Variants in TRIT1 observed in about 807,000 individuals in gnomAD.
TRIT1 encodes tRNA isopentenyltransferase 1.
Under a neutral mutation model 51.2 loss-of-function variants are expected in TRIT1, and 43 were observed. That is an observed-to-expected ratio of 0.84 (90% CI 0.66 to 1.08). The LOEUF (loss-of-function observed/expected upper bound fraction) is 1.08, where lower values mean the gene tolerates loss of function less well. Among genes scored for constraint, TRIT1 ranks in the 50% least tolerant of loss-of-function variants. The pLI, the probability that TRIT1 is intolerant of heterozygous loss-of-function variation, is 0.00. For missense variants in TRIT1, 528 were observed against 578.4 expected, an observed-to-expected ratio of 0.91 and a Z score of 0.89; for synonymous variants, 184 against 203.9, an observed-to-expected ratio of 0.90 and a Z score of 0.83.
chr1:39,863,785 A>AAAC (rs532633835), intron 1 of TRIT1, among the ~76,000 whole-genome samples: 1 of 152,042 alleles, frequency 6.6e-6, no homozygotes, highest in Non-Finnish European at 1.5e-5. Context: ...AAAAAACTAT[A>AAAC]AACAACAACA....
intron 1 of TRIT1, among the ~76,000 whole-genome samples, chr1:39,881,199 C>CTTT (rs1644252067): frequency 6.8e-6 from 1 of 147,852 alleles, no homozygotes; most frequent in South Asian, 2.1e-4. Flanking sequence ...GCACTCCAGC[C>CTTT]TGGGCAACAA....
chr1:39,859,911 C>T (rs529184908), intron 1 of TRIT1, among the ~76,000 whole-genome samples: 2 of 152,324 alleles, frequency 1.3e-5, no homozygotes, highest in African/African-American at 2.4e-5. Flanking sequence ...AATATCTCTA[C>T]CAGCACCTTC....
rs1184697270 is a variant in TRIT1, at chr1:39,838,656, G to GT, written c.*3087dup. Among the ~76,000 whole-genome samples the GT allele has an allele frequency of 1.4e-5, 2 of 144,094 alleles. No homozygotes were observed. Among genetic ancestry groups the GT allele is most frequent in the Non-Finnish European group, 3.0e-5 (2 of 67,678 alleles). The allele number at this position is 144,094 out of a possible 152,430, so 94.5% of individuals were successfully genotyped here. On this transcript the variant is annotated 3_prime_UTR_variant, in exon 11 of 11. Coordinates refer to ENST00000316891, the MANE Select transcript of TRIT1 (RefSeq NM_017646.6). ...CCGGCATGCATACATATATATATAT[G>GT]TAAGTATGTATGTATGTATATATTT...
intron 1 of TRIT1, among the ~76,000 whole-genome samples, chr1:39,875,499 A>AG (rs1391734889): frequency 6.6e-6 from 1 of 151,950 alleles, no homozygotes; most frequent in African/African-American, 2.4e-5. Context: ...AAAAAAAAAA[A>AG]TAGACTTACT....
intron 1 of TRIT1, among the ~76,000 whole-genome samples, chr1:39,872,752 AACACACACACACAC>A (rs61554657): frequency 1.5e-5 from 2 of 134,988 alleles, no homozygotes; most frequent in Non-Finnish European, 3.1e-5. Context: ...GGAAGTACTA[AACACACACACACAC>A]ACACACACAC....
intron 1 of TRIT1, among the ~76,000 whole-genome samples, chr1:39,870,908 T>C (rs564303675): frequency 3.3e-5 from 5 of 152,286 alleles, no homozygotes; most frequent in African/African-American, 9.6e-5. Context: ...AATAGGTGAA[T>C]AGACACCAGG....
chr1:39,867,033 A>G (rs1643595633), intron 1 of TRIT1, among the ~76,000 whole-genome samples: 2 of 152,190 alleles, frequency 1.3e-5, no homozygotes, highest in Admixed American at 6.5e-5. Context: ...CTGTTGAGTC[A>G]GTGTGATGAG....
chr1:39,852,452 A>C, intron 4 of TRIT1: 1 of 339,150 alleles, frequency 2.9e-6, no homozygotes, highest in Non-Finnish European at 5.3e-6. Flanking sequence ...CTGTTATACA[A>C]GCAAAGATCA....
At position 39,838,689 on chromosome 1, in the gene TRIT1, C is replaced by A. The variant is rs1040808342; in HGVS notation, c.*3055G>T. ...GTATGTATGTATATATTTGTGCTGA[C>A]TGGGTCTCACCATGTTGCCTAGGCT... On this transcript the variant is annotated 3_prime_UTR_variant, in exon 11 of 11. Coordinates refer to ENST00000316891, the MANE Select transcript of TRIT1 (RefSeq NM_017646.6). Among the ~76,000 whole-genome samples, 4 of 152,164 alleles carry A rather than the reference C, an allele frequency of 2.6e-5. No individual in the cohort carries two copies. Among genetic ancestry groups the A allele is most frequent in the Admixed American group, 1.3e-4 (2 of 15,282 alleles).
At chr1:39,875,500 T>A (rs946501574) in intron 1 of TRIT1, among the ~76,000 whole-genome samples, 1 of 150,786 alleles carries the variant, frequency 6.6e-6, no homozygotes, top group African/African-American at 2.4e-5. Flanking sequence ...AAAAAAAAAA[T>A]AGACTTACTA....
At chr1:39,880,585 G>C (rs190654819) in intron 1 of TRIT1, among the ~76,000 whole-genome samples, 1 of 152,108 alleles carries the variant, frequency 6.6e-6, no homozygotes, top group African/African-American at 2.4e-5. Flanking sequence ...CGGATCATGA[G>C]GTCAAGAGTT....
chr1:39,857,257 G>A lies in TRIT1; in HGVS notation c.315+20C>T. On this transcript the variant is annotated intron_variant, in intron 2 of 10. Transcript: ENST00000316891. ...CTGCTTTCACCCACCAAACCCAGCT[G>A]CTGCCTTTCCTAAGGATATCAGAGC... is the stretch of plus-strand genomic sequence containing the variant. The A allele has an allele frequency of 1.9e-6, 3 of 1,589,292 alleles. No individual in the cohort carries two copies. The highest frequency in any genetic ancestry group is 2.3e-5 in the South Asian group (2 of 88,036).
intron 1 of TRIT1, among the ~76,000 whole-genome samples, chr1:39,882,628 A>C (rs906121704): frequency 6.6e-6 from 1 of 152,220 alleles, no homozygotes; most frequent in Non-Finnish European, 1.5e-5. Context: ...TCTACTTAAA[A>C]AAGCATTTAC....
intron 1 of TRIT1, among the ~76,000 whole-genome samples, chr1:39,873,599 T>G (rs182556795): frequency 6.6e-6 from 1 of 152,340 alleles, no homozygotes; most frequent in Admixed American, 6.5e-5. Flanking sequence ...TAGTTAATAG[T>G]ATTGTACCTA....
At chr1:39,880,291 A>AAAG (rs1330297385) in intron 1 of TRIT1, among the ~76,000 whole-genome samples, 2 of 150,828 alleles carry the variant, frequency 1.3e-5, no homozygotes, top group African/African-American at 2.4e-5. Context: ...AAAAAAAAAA[A>AAAG]AAGAAGAAAC....
chr1:39,853,708 G>A (rs1162436667), intron 3 of TRIT1, among the ~76,000 whole-genome samples: 6 of 152,112 alleles, frequency 3.9e-5, no homozygotes, highest in Admixed American at 2.0e-4. Context: ...CACCACGCCT[G>A]GCCTAATGAA....
In TRIT1 at chr1:39,847,558, A is replaced by G. The variant is rs531371779; in HGVS notation, c.918T>C (p.Leu306=). The change falls in exon 7 of 11, where the codon CTT becomes CTC. Residue 306 remains leucine (L), a synonymous_variant. Coordinates refer to ENST00000316891, the MANE Select transcript of TRIT1 (RefSeq NM_017646.6). ...TGGAAGAATTCACACCTTTCTTTAG[A>G]AGCTGGTTACTAGTCTCCAGTGTGC... is the stretch of plus-strand genomic sequence containing the variant. ...GKCTLETSNQ[L]LKKGIEALKQ... is the part of the protein sequence containing the mutation. 6.2e-7 allele frequency: 1 copy of G among 1,614,184 alleles called. No homozygotes were observed. The highest frequency in any genetic ancestry group is 1.1e-5 in the South Asian group (1 of 91,090).
chr1:39,840,097 T>C lies in TRIT1; in HGVS notation c.*1647A>G, dbSNP rs573231940. 2.6e-5 allele frequency among the ~76,000 whole-genome samples: 4 copies of C among 152,078 alleles called. No individual in the cohort carries two copies. Among genetic ancestry groups the C allele is most frequent in the Non-Finnish European group, 5.9e-5 (4 of 68,010 alleles). ...AACAGCAAAGGAAACAGCATCTCCC[T>C]CCCAGGGCTGTGTGAGAAGATAACA... On this transcript the variant is annotated 3_prime_UTR_variant, in exon 11 of 11. Transcript: ENST00000316891.
chr1:39,854,192 C>T (rs958768743), intron 2 of TRIT1, 124 bp from the exon 3 acceptor site: 8 of 653,424 alleles, frequency 1.2e-5, no homozygotes, highest in Middle Eastern at 4.1e-4. Flanking sequence ...AACCAAAATG[C>T]GTTGATACCA....
Sources: allele counts gnomAD v4.1 joint callset (sites outside exome capture counted in the v4.1 genomes callset), GRCh38; gene constraint gnomAD v4.1.1; transcripts MANE v1.5; gene names NCBI Gene and HGNC (gene_info 2026-07-23, HGNC 2026-07-21).